Variants in CEP112 observed in about 807,000 individuals in gnomAD.
CEP112 encodes the protein centrosomal protein 112.
In CEP112, 127 loss-of-function variants were observed where a neutral mutation model predicts 153.0. That is an observed-to-expected ratio of 0.83 (90% CI 0.72 to 0.96). The LOEUF is 0.96. CEP112 is among the 40% of genes least tolerant of loss of function. The probability of loss-of-function intolerance (pLI) is 0.00; values close to 1 mark genes in which losing one functional copy is unlikely to be tolerated. For synonymous variants in CEP112, 358 were observed against 374.4 expected (o/e 0.96, Z 0.51); for missense variants, 1,089 against 1,101.2 (o/e 0.99, Z 0.16).
intron 18 of CEP112, among the ~76,000 whole-genome samples, chr17:65,937,885 C>T (rs2061395559): frequency 1.7e-5 from 2 of 117,722 alleles, no homozygotes; most frequent in South Asian, 8.5e-4. Flanking sequence ...TGAGGAGCCC[C>T]TCTGCCCGGC....
At chr17:65,705,606 C>T (rs2048876092) in intron 23 of CEP112, among the ~76,000 whole-genome samples, 1 of 152,086 alleles carries the variant, frequency 6.6e-6, no homozygotes, top group African/African-American at 2.4e-5. Flanking sequence ...GGAAGATGTT[C>T]AATGACACCA....
At chr17:65,859,217 G>A (rs2146370568) in intron 20 of CEP112, among the ~76,000 whole-genome samples, 1 of 152,144 alleles carries the variant, frequency 6.6e-6, no homozygotes, top group South Asian at 2.1e-4. Flanking sequence ...GCCGAGGCGG[G>A]CAGATCACGA....
intron 12 of CEP112, among the ~76,000 whole-genome samples, chr17:66,039,705 G>C (rs1365790572): frequency 6.6e-6 from 1 of 152,238 alleles, no homozygotes; most frequent in East Asian, 1.9e-4. Context: ...GCCACTAGAA[G>C]TGTGAACATT....
At chr17:65,847,607 C>T (rs1165239104) in intron 21 of CEP112, among the ~76,000 whole-genome samples, 6 of 152,158 alleles carry the variant, frequency 3.9e-5, no homozygotes, top group Non-Finnish European at 7.4e-5. Context: ...CCGGAGGGCA[C>T]CTGCCCCGAG....
At chr17:66,058,098 A>AC (rs1283984604) in intron 11 of CEP112, among the ~76,000 whole-genome samples, 1 of 135,610 alleles carries the variant, frequency 7.4e-6, no homozygotes, top group Non-Finnish European at 1.6e-5. Context: ...AAAAAAAACA[A>AC]AAAAAAAAAC....
rs140384545 is a variant in CEP112 at position 66,168,484 on chromosome 17, T to A, written c.470+6560A>T. 1.4e-3 allele frequency among the ~76,000 whole-genome samples: 196 copies of A among 142,052 alleles called. No homozygotes were observed. In the East Asian group the frequency reaches 0.038, roughly 27 times the overall value. The allele number at this position is 142,052 out of a possible 152,430, so 93.2% of individuals were successfully genotyped here. A position where few individuals can be genotyped will look rare whatever the true frequency, so the allele number is the denominator to read the frequency against. On this transcript the variant is annotated intron_variant, in intron 4 of 26. Transcript: ENST00000535342. ...ATATGTGTGTGTATATATGTATATA[T>A]GTGTGTGTGTATATATATGTATATA...
chr17:65,763,091 T>C (rs1488863721), intron 21 of CEP112, among the ~76,000 whole-genome samples: 1 of 152,082 alleles, frequency 6.6e-6, no homozygotes, highest in Non-Finnish European at 1.5e-5. Context: ...TCTAGATTCG[T>C]AGAGGTGTTT....
rs150939699 is a variant in CEP112 at position 66,175,104 on chromosome 17, G to A, written c.410C>T (p.Ser137Leu). 2.0e-4 allele frequency: 319 copies of A among 1,613,072 alleles called. 6 individuals are homozygous for A. The East Asian group carries it at 4.4e-3, about 22-fold the overall frequency. ...ATCTTCTCCAGAAGAGAGTTTCCAT[G>A]ATTCATTTAATTTGTGTTCACTTGT... Reference protein sequence around the residue: ...LETSEHKLNESWKLSSGEDNT... With the variant: ...LETSEHKLNELWKLSSGEDNT... The change falls in exon 4 of 27, where the codon TCA becomes TTA. Residue 137 changes from serine to leucine, a missense_variant. Ser to Leu is a moderately radical substitution (Grantham distance 145). Transcript: ENST00000535342.
intron 20 of CEP112, among the ~76,000 whole-genome samples, chr17:65,870,065 G>GAAAGAGAAAGAAAGA: frequency 1.3e-5 from 1 of 79,238 alleles, no homozygotes; most frequent in Non-Finnish European, 2.8e-5. Flanking sequence ...AAGAAAGAAA[G>GAAAGAGAAAGAAAGA]AAAGAAAGAA....
intron 23 of CEP112, among the ~76,000 whole-genome samples, chr17:65,737,511 G>A (rs537624536): frequency 3.3e-5 from 5 of 152,268 alleles, no homozygotes; most frequent in African/African-American, 1.2e-4. Context: ...TCTGAGGAAA[G>A]GACTTCAGAG....
chr17:66,031,829 G>A (rs1176715919), intron 12 of CEP112, among the ~76,000 whole-genome samples: 3 of 152,034 alleles, frequency 2.0e-5, no homozygotes, highest in African/African-American at 7.2e-5. Context: ...TAGAGATGAG[G>A]CATCATCCTG....
chr17:66,190,911 C>T (rs1192557453), intron 1 of CEP112, among the ~76,000 whole-genome samples: 1 of 152,124 alleles, frequency 6.6e-6, no homozygotes, highest in Non-Finnish European at 1.5e-5. Flanking sequence ...TTGTGTAAAA[C>T]CCATTTTGTT....
At chr17:65,996,577 T>A (rs62064344) in intron 17 of CEP112, among the ~76,000 whole-genome samples, 434 of 152,302 alleles carry the variant, frequency 2.8e-3, no homozygotes, top group Non-Finnish European at 4.9e-3. Context: ...AACCTCTCCA[T>A]CACGGGCTCA....
intron 20 of CEP112, among the ~76,000 whole-genome samples, chr17:65,881,892 G>C (rs1309408464): frequency 6.6e-6 from 1 of 152,204 alleles, no homozygotes; most frequent in African/African-American, 2.4e-5. Flanking sequence ...AAACTGTGTA[G>C]GAATACTACT....
chr17:66,114,456 A>G (rs755328994), intron 6 of CEP112, among the ~76,000 whole-genome samples: 4 of 152,182 alleles, frequency 2.6e-5, no homozygotes, highest in Non-Finnish European at 5.9e-5. Flanking sequence ...CTGATATACT[A>G]TCTTAGCAAG....
chr17:66,091,224 G>A (rs1216524944), intron 8 of CEP112, among the ~76,000 whole-genome samples: 3 of 152,054 alleles, frequency 2.0e-5, no homozygotes, highest in Admixed American at 6.5e-5. Flanking sequence ...GTACCATTCA[G>A]TGGCCACAGA....
intron 21 of CEP112, among the ~76,000 whole-genome samples, chr17:65,770,949 T>C (rs1047430145): frequency 6.4e-5 from 7 of 109,724 alleles, no homozygotes; most frequent in Non-Finnish European, 1.3e-4. Flanking sequence ...AAAAAAGAAA[T>C]AATTCAATAA....
chr17:66,157,119 A>G (rs538947062), intron 4 of CEP112, among the ~76,000 whole-genome samples: 19 of 152,338 alleles, frequency 1.2e-4, no homozygotes, highest in Admixed American at 5.9e-4. Context: ...TGTTAAGGGC[A>G]GCCAGAGAGA....
chr17:66,012,031 A>C (rs1270953556), intron 16 of CEP112, among the ~76,000 whole-genome samples: 1 of 152,186 alleles, frequency 6.6e-6, no homozygotes, highest in Non-Finnish European at 1.5e-5. Context: ...GTCTGAAATT[A>C]GAATAGCAAC....
Sources: allele counts gnomAD v4.1 joint callset (sites outside exome capture counted in the v4.1 genomes callset), GRCh38; gene constraint gnomAD v4.1.1; transcripts MANE v1.5; gene names NCBI Gene and HGNC (gene_info 2026-07-23, HGNC 2026-07-21).